RIPOR2: variants seen among roughly 807,000 people sequenced by gnomAD.
RIPOR2 encodes the protein rho family-interacting cell polarization regulator 2.
In RIPOR2, 39 loss-of-function variants were observed where a neutral mutation model predicts 114.5. The ratio of observed to expected loss-of-function variants is 0.34; its 90% confidence interval spans 0.26 to 0.44. The LOEUF is 0.44. Ranked by LOEUF, RIPOR2 falls within the 20% of genes least tolerant of loss-of-function variation. The pLI is 1.00. For missense variants in RIPOR2, 1,007 were observed against 1,255.1 expected, an observed-to-expected ratio of 0.80 and a Z score of 2.99; for synonymous variants, 445 against 484.4, an observed-to-expected ratio of 0.92 and a Z score of 1.07.
intron 11 of RIPOR2, 50 bp from the exon 12 acceptor site, chr6:24,848,204 C>G: frequency 6.3e-7 from 1 of 1,594,030 alleles, no homozygotes; most frequent in Non-Finnish European, 8.6e-7. Context: ...AATCACCTAT[C>G]ATCAACAGAC....
chr6:25,041,672 AAG>A (rs1342941230), intron 1 of RIPOR2, among the ~76,000 whole-genome samples: 1 of 152,348 alleles, frequency 6.6e-6, no homozygotes, highest in Non-Finnish European at 1.5e-5. Context: ...AGGAAATAGG[AAG>A]AGAGAGAGTC....
rs1175354554 is a variant in RIPOR2 at position 25,010,469 on chromosome 6, G to A, written c.76+31382C>T. 3.9e-5 allele frequency among the ~76,000 whole-genome samples: 6 copies of A among 152,144 alleles called. No individual in the cohort carries two copies. The East Asian group carries it at 7.7e-4, about 20-fold the overall frequency. The stretch of plus-strand genomic sequence containing the variant: ...GCCTGCGGAACCATGAGCCAGATAA[G>A]CCTCTTTACTTGACAGATTACACAG... On this transcript the variant is annotated intron_variant, in intron 1 of 13. Coordinates refer to the RIPOR2 transcript ENST00000510784.
At chr6:24,885,079 A>T (rs567691022) in intron 1 of RIPOR2, among the ~76,000 whole-genome samples, 1 of 150,772 alleles carries the variant, frequency 6.6e-6, no homozygotes, top group South Asian at 2.1e-4. Flanking sequence ...AGATCCAAAG[A>T]CAACCTAAGA....
At chr6:24,877,231 G>C in intron 1 of RIPOR2, 1 of 985,456 alleles carries the variant, frequency 1.0e-6, no homozygotes, top group Non-Finnish European at 1.2e-6. Context: ...AAGGCAGTTT[G>C]AGCGAGTTAC....
chr6:24,877,408 T>C, intron 1 of RIPOR2: 1 of 954,342 alleles, frequency 1.0e-6, no homozygotes, highest in South Asian at 4.8e-5. Flanking sequence ...GCTTGCTCTT[T>C]CATCTGGGTG....
intron 7 of RIPOR2, among the ~76,000 whole-genome samples, chr6:24,863,501 T>A (rs112248910): frequency 3.9e-5 from 6 of 152,340 alleles, no homozygotes; most frequent in African/African-American, 1.4e-4. Flanking sequence ...TCCTTTATAA[T>A]TGGAAACGGC....
At chr6:24,819,630 C>CAGCCTCCCGA (rs61344808) in intron 19 of RIPOR2, among the ~76,000 whole-genome samples, 1 of 145,648 alleles carries the variant, frequency 6.9e-6, no homozygotes, top group South Asian at 2.2e-4. Flanking sequence ...TCTCCTACCT[C>CAGCCTCCCGA]GATTACAGGT....
chr6:24,835,598 T>G (rs1483966820), intron 15 of RIPOR2, 105 bp downstream of exon 15: 3 of 1,225,820 alleles, frequency 2.4e-6, no homozygotes, highest in Non-Finnish European at 3.5e-6. Flanking sequence ...GACTGTTCTC[T>G]TATTCCTGAA....
chr6:25,023,422 C>T, intron 1 of RIPOR2: 1 of 768,372 alleles, frequency 1.3e-6, no homozygotes, highest in South Asian at 1.3e-5. Flanking sequence ...GGATGTACAC[C>T]CGGCCCTTGA....
At chr6:24,989,573 G>T (rs1406407824) in intron 1 of RIPOR2, among the ~76,000 whole-genome samples, 1 of 151,774 alleles carries the variant, frequency 6.6e-6, no homozygotes, top group African/African-American at 2.4e-5. Flanking sequence ...GGGATTATAG[G>T]TGTGAGCCAC....
At chr6:24,973,133 C>A (rs1314341463) in intron 1 of RIPOR2, among the ~76,000 whole-genome samples, 1 of 152,102 alleles carries the variant, frequency 6.6e-6, no homozygotes, top group Non-Finnish European at 1.5e-5. Flanking sequence ...ATAAACATTT[C>A]TCCAAAAAAC....
chr6:24,929,692 G>T (rs976373648), intron 1 of RIPOR2, among the ~76,000 whole-genome samples: 3 of 152,064 alleles, frequency 2.0e-5, no homozygotes, highest in Non-Finnish European at 4.4e-5. Context: ...AAACATCACA[G>T]CTTTTGGCAG....
At chr6:24,947,074 ATTC>A (rs140492427) in intron 1 of RIPOR2, among the ~76,000 whole-genome samples, 18,555 of 152,178 alleles carry the variant, frequency 0.12, 1,370 homozygotes, top group East Asian at 0.32. Context: ...GGAGCAGAAT[ATTC>A]TTCTTTTGGA....
chr6:24,981,792 G>T (rs77768290), intron 1 of RIPOR2, among the ~76,000 whole-genome samples: 1,549 of 152,336 alleles, frequency 0.01, 21 homozygotes, highest in African/African-American at 0.026. Context: ...AAAGAGTATA[G>T]TAACAGCTAC....
chr6:24,976,345 A>G, intron 1 of RIPOR2: 2 of 981,748 alleles, frequency 2.0e-6, no homozygotes, highest in Non-Finnish European at 1.6e-6. Flanking sequence ...AAATTATTCT[A>G]GAAAATATGA....
At chr6:25,030,008 T>G (rs549071495) in intron 1 of RIPOR2, among the ~76,000 whole-genome samples, 17 of 151,910 alleles carry the variant, frequency 1.1e-4, no homozygotes, top group Non-Finnish European at 2.4e-4. Context: ...TCAAACCTAG[T>G]GGGACTCGTG....
At chr6:25,022,440 G>T (rs1776364441) in intron 1 of RIPOR2, among the ~76,000 whole-genome samples, 1 of 149,496 alleles carries the variant, frequency 6.7e-6, no homozygotes, top group Non-Finnish European at 1.5e-5. Context: ...TCATTGTATG[G>T]ATATACCTAC....
At chr6:25,016,609 A>C (rs1776015901) in intron 1 of RIPOR2, among the ~76,000 whole-genome samples, 1 of 152,256 alleles carries the variant, frequency 6.6e-6, no homozygotes, top group African/African-American at 2.4e-5. Flanking sequence ...GGGAACATTA[A>C]GTAACTAGAG....
At chr6:24,810,428 C>T (rs1781067496) in intron 20 of RIPOR2, among the ~76,000 whole-genome samples, 1 of 152,194 alleles carries the variant, frequency 6.6e-6, no homozygotes, top group Non-Finnish European at 1.5e-5. Context: ...AAAATTCTTA[C>T]TATTTAGTTT....
Sources: gnomAD v4.1 joint callset for allele counts (sites outside exome capture counted in the v4.1 genomes callset) on GRCh38, gnomAD v4.1.1 for gene constraint, MANE v1.5 for transcripts, NCBI Gene and HGNC (gene_info 2026-07-23, HGNC 2026-07-21) for gene names.